Variants in BGN observed in about 807,000 individuals in gnomAD.
BGN encodes biglycan.
Under a neutral mutation model 20.0 loss-of-function variants are expected in BGN, and 6 were observed. The observed-to-expected ratio is 0.30, with a 90% CI of 0.16 to 0.59. BGN has a LOEUF of 0.59. Among genes scored for constraint, BGN ranks in the 20% least tolerant of loss-of-function variants. BGN has a pLI of 0.88. For missense variants in BGN, 292 were observed against 312.1 expected (o/e 0.94, Z 0.49); for synonymous variants, 146 against 134.6 (o/e 1.08, Z -0.59).
chrX:153,496,303 C>T (rs888616175), intron 1 of BGN, among the ~76,000 whole-genome samples: 5 of 112,832 alleles, frequency 4.4e-5, no homozygotes, highest in Non-Finnish European at 7.5e-5. Flanking sequence ...CCCCTGCCCC[C>T]GTGCCAGAAA....
chrX:153,506,385 T>C (rs1211643694), intron 4 of BGN, 144 bp from the exon 5 acceptor site: 224 of 553,073 alleles, frequency 4.1e-4, no homozygotes, highest in Non-Finnish European at 7.8e-5. Flanking sequence ...AGTTTGCAAT[T>C]AGCCCGGTAA....
intron 1 of BGN, among the ~76,000 whole-genome samples, chrX:153,503,006 C>T (rs113300903): frequency 0.31 from 35,101 of 111,985 alleles, 4,155 homozygotes; most frequent in Middle Eastern, 0.4. Context: ...GCAGATGCTC[C>T]CTGGAGCACC....
intron 1 of BGN, 114 bp from the exon 2 acceptor site, chrX:153,504,507 C>A (rs1168900633): frequency 4.4e-5 from 28 of 632,295 alleles, no homozygotes; most frequent in Non-Finnish European, 6.4e-5. Context: ...AGGGTCTGGC[C>A]GTCCCTGGTG....
rs1488670537 is a variant in BGN, at chrX:153,505,341, G to A, written c.342G>A (p.Gln114=). The stretch of plus-strand genomic sequence containing the variant: ...GCAAGGATGACTTCAAGGGTCTCCA[G>A]CACCTCTACGTAAGGAGCTGGGAGG... ...ELRKDDFKGL[Q]HLYALVLVNN... The change falls in exon 3 of 8, where the codon CAG becomes CAA. Residue 114 remains glutamine (Q), a synonymous_variant. Transcript: ENST00000331595. 1.7e-6 allele frequency: 2 copies of A among 1,206,207 alleles called. No homozygotes were observed. The highest frequency in any genetic ancestry group is 2.2e-6 in the Non-Finnish European group (2 of 890,832).
At chrX:153,496,857 CAG>C (rs1352940769) in intron 1 of BGN, among the ~76,000 whole-genome samples, 2 of 110,616 alleles carry the variant, frequency 1.8e-5, no homozygotes, top group African/African-American at 6.6e-5. Context: ...AGTTAGCACT[CAG>C]AGCCTTCAGC....
chrX:153,505,836 TCAC>T, intron 3 of BGN, 24 bp from the exon 4 acceptor site: 1 of 1,190,706 alleles, frequency 8.4e-7, no homozygotes, highest in Non-Finnish European at 1.1e-6. Flanking sequence ...GTCTGTGCCT[TCAC>T]CTCCTCCGCC....
chrX:153,509,066 TG>T lies in BGN; in HGVS notation c.*622del. ...CTCTCTCTCTCTCTCTCTTTCTGTG[TG>T]TGTGTGTGTGTGTGTGTGTGTGTGT... On this transcript the variant is annotated 3_prime_UTR_variant, in exon 8 of 8. Coordinates refer to ENST00000331595, the MANE Select transcript of BGN (RefSeq NM_001711.6). 2.8e-5 allele frequency: 1 copy of T among 35,817 alleles called. No individual in the cohort carries two copies. The highest frequency in any genetic ancestry group is 8.9e-5 in the African/African-American group (1 of 11,194). 3.0% of individuals were successfully genotyped at this position (35,817 alleles called of 1,213,427 possible).
At chrX:153,502,658 G>A (rs781905331) in intron 1 of BGN, among the ~76,000 whole-genome samples, 60 of 113,225 alleles carry the variant, frequency 5.3e-4, no homozygotes, top group Non-Finnish European at 9.4e-4. Context: ...AGGCTGGCAG[G>A]CCCTGGGCTG....
At chrX:153,507,649 C>T (rs1158717904) in intron 7 of BGN, among the ~76,000 whole-genome samples, 2 of 113,356 alleles carry the variant, frequency 1.8e-5, no homozygotes, top group Non-Finnish European at 3.8e-5. Flanking sequence ...GTTTGGAGCA[C>T]CCCCATCCGC....
At chrX:153,495,164 T>G (rs1229917012) in intron 1 of BGN, 51 bp downstream of exon 1, 1 of 110,613 alleles carries the variant, frequency 9.0e-6, no homozygotes, top group Non-Finnish European at 1.9e-5. Context: ...TGCCCCTGGC[T>G]CTGCTGCCTC....
At chrX:153,504,515 G>C in intron 1 of BGN, 106 bp from the exon 2 acceptor site, 1 of 688,371 alleles carries the variant, frequency 1.5e-6, no homozygotes, top group Non-Finnish European at 2.1e-6. Context: ...GCCGTCCCTG[G>C]TGAGGGATGG....
chrX:153,505,382 AG>A (rs1556992837), intron 3 of BGN, 32 bp downstream of exon 3: 2 of 1,141,837 alleles, frequency 1.8e-6, no homozygotes, highest in Admixed American at 4.4e-5. Flanking sequence ...GCAGGCCTAC[AG>A]CAGAGGGCAG....
chrX:153,498,330 T>C (rs1365189867), intron 1 of BGN, among the ~76,000 whole-genome samples: 3 of 112,551 alleles, frequency 2.7e-5, no homozygotes, highest in African/African-American at 9.7e-5. Flanking sequence ...GCGGGCAGAC[T>C]CCTGGGTGGC....
At chrX:153,497,163 C>T (rs2089723836) in intron 1 of BGN, among the ~76,000 whole-genome samples, 2 of 104,852 alleles carry the variant, frequency 1.9e-5, no homozygotes, top group African/African-American at 7.0e-5. Flanking sequence ...ACGACCCCCT[C>T]CCACTCATCT....
Position 153,508,314 on chromosome X carries a change from G to A in BGN, c.976G>A (p.Gly326Arg), listed in dbSNP as rs200072898. 8.3e-5 allele frequency: 100 copies of A among 1,210,795 alleles called. No individual in the cohort carries two copies. The highest frequency in any genetic ancestry group is 3.7e-4 in the Admixed American group (17 of 45,939). ...GVNDFCPMGF[G>R]VKRAYYNGIS... Reference sequence around the variant, plus strand: ...CAACGACTTCTGTCCCATGGGCTTCGGGGTGAAGCGGGCCTACTACAACGG... The same window carrying A: ...CAACGACTTCTGTCCCATGGGCTTCAGGGTGAAGCGGGCCTACTACAACGG... Residue 326 changes from glycine to arginine, a missense_variant, in exon 8 of 8, where the codon GGG becomes AGG. Transcript: ENST00000331595.
chrX:153,508,635 G>A lies in BGN; in HGVS notation c.*190G>A. On this transcript the variant is annotated 3_prime_UTR_variant, in exon 8 of 8. Transcript: ENST00000331595. ...CTCCCTGGCTCCCAAGGGTGCAGGTGGGCGCAAGGCCCGGCCCCCATCACA... is the reference window on the plus strand; with the variant it reads ...CTCCCTGGCTCCCAAGGGTGCAGGTAGGCGCAAGGCCCGGCCCCCATCACA... 9.7e-6 allele frequency: 5 copies of A among 516,711 alleles called. No individual in the cohort carries two copies. The South Asian group carries it at 1.3e-4, about 13-fold the overall frequency. 42.6% of individuals were successfully genotyped at this position (516,711 alleles called of 1,213,427 possible).
intron 1 of BGN, among the ~76,000 whole-genome samples, chrX:153,496,948 G>GCCCCCCCCCCCCCCCCCC (rs782676136): frequency 3.5e-5 from 2 of 57,196 alleles, no homozygotes; most frequent in Non-Finnish European, 6.0e-5. Context: ...TGCTTCCCGG[G>GCCCCCCCCCCCCCCCCCC]CCCACCCCCC....
At chrX:153,500,246 G>A (rs1280362158) in intron 1 of BGN, among the ~76,000 whole-genome samples, 3 of 113,030 alleles carry the variant, frequency 2.7e-5, no homozygotes, top group East Asian at 5.6e-4. Flanking sequence ...GGGTGGTGGC[G>A]GAGGCTCCAG....
intron 1 of BGN, chrX:153,495,609 C>G (rs1482372359): frequency 9.3e-6 from 1 of 107,931 alleles, no homozygotes. Flanking sequence ...GAGGACCGCC[C>G]AGCGCCCACC....
Sources: allele counts gnomAD v4.1 joint callset (sites outside exome capture counted in the v4.1 genomes callset), GRCh38; gene constraint gnomAD v4.1.1; transcripts MANE v1.5; gene names NCBI Gene and HGNC (gene_info 2026-07-23, HGNC 2026-07-21).